Variants in ROCK1 observed in about 807,000 individuals in gnomAD.
ROCK1 encodes the protein Rho associated coiled-coil containing protein kinase 1.
A neutral mutation model predicts 196.8 loss-of-function variants in ROCK1; 36 were observed. The ratio of observed to expected loss-of-function variants is 0.18; its 90% CI spans 0.14 to 0.24. The LOEUF (loss-of-function observed/expected upper bound fraction) is 0.24, where lower values mean the gene tolerates loss of function less well. Among genes scored for constraint, ROCK1 ranks in the 10% least tolerant of loss-of-function variants. The probability of loss-of-function intolerance (pLI) is 1.00; values close to 1 mark genes in which losing one functional copy is unlikely to be tolerated. For missense variants in ROCK1, 920 were observed against 1,562.0 expected (o/e 0.59, Z 6.93); for synonymous variants, 443 against 515.9 (o/e 0.86, Z 1.91).
At chr18:21,079,667 G>A (rs894785607) in intron 1 of ROCK1, among the ~76,000 whole-genome samples, 1 of 152,150 alleles carries the variant, frequency 6.6e-6, no homozygotes, top group Non-Finnish European at 1.5e-5. Context: ...TTGCTCCTCT[G>A]GAGCCCGCTT....
At chr18:21,069,924 A>G (rs1359952440) in intron 2 of ROCK1, among the ~76,000 whole-genome samples, 1 of 152,080 alleles carries the variant, frequency 6.6e-6, no homozygotes, top group Non-Finnish European at 1.5e-5. Context: ...ATTTCAAAGT[A>G]TAGAAGTGAT....
chr18:20,952,979 G>A (rs932586760), intron 32 of ROCK1, among the ~76,000 whole-genome samples: 1 of 152,096 alleles, frequency 6.6e-6, no homozygotes, highest in Non-Finnish European at 1.5e-5. Flanking sequence ...GTCGAGGGAT[G>A]GGGGGCTAGG....
At chr18:20,967,665 C>T in intron 26 of ROCK1, 87 bp downstream of exon 26, 1 of 1,061,258 alleles carries the variant, frequency 9.4e-7, no homozygotes, top group Non-Finnish European at 1.3e-6. Flanking sequence ...CCAATCTAAA[C>T]AAGATAAATA....
At chr18:21,074,067 A>C (rs1485602545) in intron 1 of ROCK1, among the ~76,000 whole-genome samples, 1 of 152,142 alleles carries the variant, frequency 6.6e-6, no homozygotes, top group Non-Finnish European at 1.5e-5. Flanking sequence ...CTGAGGCAGG[A>C]AGATCGCTTG....
chr18:21,038,840 T>A (rs1476528740), intron 9 of ROCK1, among the ~76,000 whole-genome samples: 1 of 152,232 alleles, frequency 6.6e-6, no homozygotes, highest in Non-Finnish European at 1.5e-5. Flanking sequence ...TTTGGTGTCA[T>A]GATAATTTTG....
At position 21,056,488 on chromosome 18, in the gene ROCK1, T is replaced by C. The variant is rs192342516; in HGVS notation, c.176-6608A>G. Among the ~76,000 whole-genome samples the C allele has an allele frequency of 6.6e-5, 10 of 152,270 alleles. No homozygotes were observed. The East Asian group carries it at 1.9e-3, about 29-fold the overall frequency. On this transcript the variant is annotated intron_variant, in intron 2 of 32. Coordinates refer to ENST00000399799, the MANE Select transcript of ROCK1 (RefSeq NM_005406.3). ...ATATGTTGGCTCTCTCTTTGAAATATATCTGTAATCTGATAGCTTCTCACC... is the reference window on the plus strand; with the variant it reads ...ATATGTTGGCTCTCTCTTTGAAATACATCTGTAATCTGATAGCTTCTCACC...
chr18:21,032,790 G>A (rs1198901652), intron 9 of ROCK1, among the ~76,000 whole-genome samples: 2 of 150,314 alleles, frequency 1.3e-5, no homozygotes, highest in Admixed American at 1.3e-4. Flanking sequence ...CCAAAGTGTT[G>A]GGATTACAGG....
At position 21,111,290 on chromosome 18, in the gene ROCK1, G is replaced by A. The variant is rs1401447930; in HGVS notation, c.-380C>T. 1 of 472,042 alleles carries A rather than the reference G, an allele frequency of 2.1e-6. No individual in the cohort carries two copies. The highest frequency in any genetic ancestry group is 2.0e-5 in the African/African-American group (1 of 49,202). 29.2% of individuals were successfully genotyped at this position (472,042 alleles called of 1,614,324 possible). ...GGCAGGAGCGGGTAGAGAAAGAGAA[G>A]CAGGGTGGAGACTCCCTCCGGGCAA... On this transcript the variant is annotated 5_prime_UTR_variant, in exon 1 of 33. Coordinates refer to ENST00000399799, the MANE Select transcript of ROCK1 (RefSeq NM_005406.3). The surrounding 1 kb of genome is among the most constrained non-coding windows in gnomAD (Gnocchi z 4.2).
At chr18:20,979,882 T>G (rs377316702) in intron 22 of ROCK1, 28 bp downstream of exon 22, 1 of 1,514,994 alleles carries the variant, frequency 6.6e-7, no homozygotes, top group Non-Finnish European at 8.9e-7. Flanking sequence ...GCAGTACTGA[T>G]TCTTGTTCTA....
chr18:21,042,274 A>G (rs201773166), intron 7 of ROCK1, 39 bp from the exon 8 acceptor site: 15 of 1,515,138 alleles, frequency 9.9e-6, no homozygotes, highest in Non-Finnish European at 9.7e-6. Context: ...AAAATGAAAT[A>G]CATTTTTAAA....
intron 2 of ROCK1, among the ~76,000 whole-genome samples, chr18:21,066,406 A>C (rs1279463239): frequency 6.6e-6 from 1 of 152,210 alleles, no homozygotes; most frequent in Non-Finnish European, 1.5e-5. Context: ...ATATTGGTTT[A>C]GAATTAGGCT....
intron 1 of ROCK1, among the ~76,000 whole-genome samples, chr18:21,078,775 T>C (rs2036457762): frequency 6.6e-6 from 1 of 152,172 alleles, no homozygotes; most frequent in Non-Finnish European, 1.5e-5. Flanking sequence ...AAGCTTGTAA[T>C]GCTGCTACTA....
chr18:21,054,322 CT>C (rs930645331), intron 2 of ROCK1, among the ~76,000 whole-genome samples: 5 of 151,772 alleles, frequency 3.3e-5, no homozygotes, highest in Non-Finnish European at 7.4e-5. Context: ...ATTCTTTTGA[CT>C]TTTTTTTCAA....
intron 16 of ROCK1, among the ~76,000 whole-genome samples, chr18:21,004,039 A>G (rs1339344814): frequency 2.0e-5 from 3 of 152,186 alleles, no homozygotes; most frequent in Non-Finnish European, 2.9e-5. Context: ...TCAATCCTCC[A>G]TAACATTTTG....
chr18:21,014,061 G>T (rs2035842097), intron 13 of ROCK1, among the ~76,000 whole-genome samples: 1 of 117,338 alleles, frequency 8.5e-6, no homozygotes, highest in Non-Finnish European at 1.6e-5. Flanking sequence ...GCAAGACTCT[G>T]TCTCAAAAAA....
intron 16 of ROCK1, among the ~76,000 whole-genome samples, chr18:20,998,889 G>A (rs1309634083): frequency 1.3e-5 from 2 of 151,954 alleles, no homozygotes; most frequent in Non-Finnish European, 2.9e-5. Flanking sequence ...GATTACAATC[G>A]TGAGCCACCG....
intron 16 of ROCK1, among the ~76,000 whole-genome samples, chr18:20,995,708 G>C (rs934742875): frequency 4.6e-5 from 7 of 152,124 alleles, no homozygotes; most frequent in Admixed American, 3.3e-4. Context: ...TCAGCGCAGA[G>C]AGACTCCATT....
intron 2 of ROCK1, among the ~76,000 whole-genome samples, chr18:21,054,138 T>G (rs986611581): frequency 1.3e-5 from 2 of 152,192 alleles, no homozygotes; most frequent in Non-Finnish European, 2.9e-5. Flanking sequence ...TTATGGACAC[T>G]GAAATCTGAA....
intron 12 of ROCK1, among the ~76,000 whole-genome samples, chr18:21,016,837 T>G (rs2035866584): frequency 1.3e-5 from 2 of 152,258 alleles, no homozygotes; most frequent in African/African-American, 4.8e-5. Flanking sequence ...TTAATGACTT[T>G]TGATGTTTTT....
Sources: gnomAD v4.1 joint callset for allele counts (sites outside exome capture counted in the v4.1 genomes callset) on GRCh38, gnomAD v4.1.1 for gene constraint, Gnocchi (gnomAD v3.1) non-coding constraint, MANE v1.5 for transcripts, NCBI Gene and HGNC (gene_info 2026-07-23, HGNC 2026-07-21) for gene names.